Variants in ELAVL2 observed in about 807,000 individuals in gnomAD.
The protein encoded by ELAVL2 is ELAV-like protein 2.
A neutral mutation model predicts 34.6 loss-of-function variants in ELAVL2; 4 were observed. The observed-to-expected ratio is 0.12, with a 90% CI of 0.06 to 0.26. The LOEUF (loss-of-function observed/expected upper bound fraction) is 0.26, where lower values mean the gene tolerates loss of function less well. Ranked by LOEUF, ELAVL2 falls within the 10% of genes least tolerant of loss-of-function variation. The probability of loss-of-function intolerance (pLI) is 1.00; values close to 1 mark genes in which losing one functional copy is unlikely to be tolerated. For missense variants in ELAVL2, 432 were observed against 442.8 expected (o/e 0.98, Z 0.22); for synonymous variants, 193 against 154.8 (o/e 1.25, Z -1.83).
intron 1 of ELAVL2, among the ~76,000 whole-genome samples, chr9:23,775,569 G>A (rs759627597): frequency 2.0e-5 from 3 of 152,078 alleles, no homozygotes; most frequent in South Asian, 4.2e-4. Context: ...TCCATTCCAC[G>A]GCTGTGGGGA....
At chr9:23,778,419 A>G (rs1564423167) in intron 1 of ELAVL2, among the ~76,000 whole-genome samples, 1 of 152,186 alleles carries the variant, frequency 6.6e-6, no homozygotes, top group Admixed American at 6.5e-5. Context: ...AAATTTCACC[A>G]ATGTAACAAT....
chr9:23,810,402 A>G (rs1262315712), intron 1 of ELAVL2, among the ~76,000 whole-genome samples: 3 of 151,948 alleles, frequency 2.0e-5, no homozygotes, highest in Non-Finnish European at 4.4e-5. Flanking sequence ...GTGAAGCTTT[A>G]AAAAAAATTA....
chr9:23,762,206 G>A lies in ELAVL2; in HGVS notation c.29C>T (p.Thr10Ile). The A allele has an allele frequency of 6.2e-7, 1 of 1,613,562 alleles. No individual in the cohort carries two copies. The highest frequency in any genetic ancestry group is 8.5e-7 in the Non-Finnish European group (1 of 1,179,602). Residue 10 changes from threonine to isoleucine, a missense_variant, in exon 2 of 7, where the codon ACT becomes ATT. By Grantham distance (89) the Thr-to-Ile change is moderately conservative. Transcript: ENST00000397312. ...TGGACCATTGGCTGTGTTATTGCAAGTTGGCCCATTAGACAGTTGTGTTTC... is the reference window on the plus strand; with the variant it reads ...TGGACCATTGGCTGTGTTATTGCAAATTGGCCCATTAGACAGTTGTGTTTC... METQLSNGP[T>I]CNNTANGPTT...
At chr9:23,709,859 T>C (rs56284047) in intron 3 of ELAVL2, among the ~76,000 whole-genome samples, 30,903 of 152,174 alleles carry the variant, frequency 0.2, 3,315 homozygotes, top group South Asian at 0.35. Context: ...GCAATTTAAA[T>C]ATTTAAAGAT....
chr9:23,783,649 G>A (rs1161072490), intron 1 of ELAVL2, among the ~76,000 whole-genome samples: 2 of 152,156 alleles, frequency 1.3e-5, no homozygotes, highest in African/African-American at 4.8e-5. Context: ...CCTATGTGCA[G>A]GGCACTGTGC....
At chr9:23,750,302 C>G (rs2051605868) in intron 2 of ELAVL2, among the ~76,000 whole-genome samples, 1 of 151,932 alleles carries the variant, frequency 6.6e-6, no homozygotes. Flanking sequence ...CTCCCAATTT[C>G]CAGCACTTAA....
the ELAVL2 span, among the ~76,000 whole-genome samples, chr9:23,844,643 A>G: frequency 2.0e-5 from 3 of 151,894 alleles, no homozygotes; most frequent in Admixed American, 6.6e-5. Context: ...AAAACACCTA[A>G]AAAGCTGAGT....
intron 2 of ELAVL2, among the ~76,000 whole-genome samples, chr9:23,749,456 C>A (rs1249244024): frequency 6.6e-6 from 1 of 151,862 alleles, no homozygotes; most frequent in Non-Finnish European, 1.5e-5. Context: ...GGAGTCTTAC[C>A]GGTAAAATTA....
At chr9:23,770,405 T>G (rs2136283185) in intron 1 of ELAVL2, among the ~76,000 whole-genome samples, 1 of 152,118 alleles carries the variant, frequency 6.6e-6, no homozygotes, top group Non-Finnish European at 1.5e-5. Context: ...CTCCCAGAAG[T>G]GTGAATATGT....
intron 1 of ELAVL2, among the ~76,000 whole-genome samples, chr9:23,795,288 A>T (rs989000263): frequency 9.1e-4 from 139 of 152,194 alleles, no homozygotes; most frequent in Admixed American, 9.0e-3. Flanking sequence ...TCATGCCTGT[A>T]ATCCCAGCAC....
chr9:23,754,506 G>T (rs948176432), intron 2 of ELAVL2, among the ~76,000 whole-genome samples: 1 of 151,724 alleles, frequency 6.6e-6, no homozygotes, highest in Admixed American at 6.6e-5. Context: ...AGGCTGAAAT[G>T]CAAGTGCGGT....
At chr9:23,818,228 A>G (rs1295268554) in intron 1 of ELAVL2, among the ~76,000 whole-genome samples, 1 of 152,238 alleles carries the variant, frequency 6.6e-6, no homozygotes, top group African/African-American at 2.4e-5. Context: ...CACTAGACAT[A>G]AAGCCTTCAA....
At chr9:23,817,866 A>G (rs561040507) in intron 1 of ELAVL2, among the ~76,000 whole-genome samples, 94 of 152,338 alleles carry the variant, frequency 6.2e-4, no homozygotes, top group African/African-American at 2.2e-3. Flanking sequence ...CATTTAAATC[A>G]TAATAAAACA....
At chr9:23,756,273 G>A (rs1588143093) in intron 2 of ELAVL2, among the ~76,000 whole-genome samples, 2 of 152,160 alleles carry the variant, frequency 1.3e-5, no homozygotes, top group South Asian at 2.1e-4. Flanking sequence ...GGGCATGGCA[G>A]GAGCCTTATC....
At chr9:23,838,186 G>A in the ELAVL2 span, among the ~76,000 whole-genome samples, 1 of 151,986 alleles carries the variant, frequency 6.6e-6, no homozygotes, top group East Asian at 1.9e-4. Flanking sequence ...TGAGGTAATG[G>A]GAGTTGGATT....
intron 2 of ELAVL2, among the ~76,000 whole-genome samples, chr9:23,742,521 T>C (rs1449879641): frequency 6.6e-6 from 1 of 152,182 alleles, no homozygotes; most frequent in African/African-American, 2.4e-5. Flanking sequence ...GAATATTGGG[T>C]AGCATCACAT....
At chr9:23,751,601 TTAGTA>T (rs1404698878) in intron 2 of ELAVL2, among the ~76,000 whole-genome samples, 2 of 152,138 alleles carry the variant, frequency 1.3e-5, no homozygotes, top group African/African-American at 4.8e-5. Context: ...ATGAGACTAT[TTAGTA>T]TAGTATTTAC....
chr9:23,724,279 C>T (rs1469037131), intron 3 of ELAVL2, among the ~76,000 whole-genome samples: 1 of 152,172 alleles, frequency 6.6e-6, no homozygotes, highest in Admixed American at 6.5e-5. Flanking sequence ...TGTTCCTCAT[C>T]CTTCCCTCTT....
At chr9:23,721,138 G>A (rs2043600207) in intron 3 of ELAVL2, among the ~76,000 whole-genome samples, 1 of 152,192 alleles carries the variant, frequency 6.6e-6, no homozygotes, top group Admixed American at 6.5e-5. Context: ...TAGCTTGAAA[G>A]CAAAGCATTT....
Sources: gnomAD v4.1 joint callset for allele counts (sites outside exome capture counted in the v4.1 genomes callset) on GRCh38, gnomAD v4.1.1 for gene constraint, MANE v1.5 for transcripts, NCBI Gene and HGNC (gene_info 2026-07-23, HGNC 2026-07-21) for gene names.